The following PACRGL variants were observed in gnomAD, a reference collection of about 807,000 sequenced individuals.
PACRGL encodes the protein parkin coregulated like.
In PACRGL, 38 loss-of-function variants were observed where a neutral mutation model predicts 34.5. The observed-to-expected ratio is 1.10, with a 90% CI of 0.85 to 1.44. The LOEUF (loss-of-function observed/expected upper bound fraction) is 1.44. Ranked by LOEUF, PACRGL falls within the 40% of genes most tolerant of loss-of-function variation. PACRGL has a pLI of 0.00. For synonymous variants in PACRGL, 128 were observed against 100.1 expected (o/e 1.28, Z -1.66); for missense variants, 305 against 281.4 (o/e 1.08, Z -0.60).
At position 20,709,790 on chromosome 4, in the gene PACRGL, T is replaced by C; in HGVS notation, c.366+17T>C. 1 of 1,541,914 alleles carries C rather than the reference T, an allele frequency of 6.5e-7. No homozygotes were observed. Among genetic ancestry groups the C allele is most frequent in the Non-Finnish European group, 8.9e-7 (1 of 1,117,428 alleles). On this transcript the variant is annotated intron_variant, in intron 5 of 8. Transcript: ENST00000503585. ...TTAGCTGAGGTAAATATGCCATCTC[T>C]TGAATATTTATCAGAAAATAAACAT...
intron 7 of PACRGL, among the ~76,000 whole-genome samples, chr4:20,721,446 C>G (rs1743148188): frequency 6.6e-6 from 1 of 152,018 alleles, no homozygotes; most frequent in African/African-American, 2.4e-5. Flanking sequence ...TTTTCCCCAT[C>G]TTTGTGGTTT....
At chr4:20,726,587 T>C (rs1745754788) in intron 8 of PACRGL, among the ~76,000 whole-genome samples, 1 of 152,222 alleles carries the variant, frequency 6.6e-6, no homozygotes, top group Non-Finnish European at 1.5e-5. Flanking sequence ...AAAGCTTATA[T>C]ATCTCTTTCT....
chr4:20,736,645 ATTC>A (rs899095914), downstream of PACRGL, among the ~76,000 whole-genome samples: 204 of 152,308 alleles, frequency 1.3e-3, 1 homozygote, highest in African/African-American at 4.5e-3. Flanking sequence ...GATAATAGAT[ATTC>A]TTAGTTTTTT....
chr4:20,706,842 G>A (rs1734705851), intron 3 of PACRGL, among the ~76,000 whole-genome samples: 1 of 152,124 alleles, frequency 6.6e-6, no homozygotes, highest in African/African-American at 2.4e-5. Flanking sequence ...CCAAAGTGCT[G>A]GGATTACAGG....
chr4:20,753,562 T>C (rs1439294180), downstream of PACRGL, among the ~76,000 whole-genome samples: 4 of 152,294 alleles, frequency 2.6e-5, no homozygotes, highest in African/African-American at 7.2e-5. Context: ...GAAATCAATC[T>C]GGTTTATTTC....
intron 7 of PACRGL, among the ~76,000 whole-genome samples, chr4:20,722,400 CTGTGTTT>C (rs982729694): frequency 7.9e-5 from 12 of 152,212 alleles, no homozygotes; most frequent in Admixed American, 5.9e-4. Context: ...CAGAAATCAC[CTGTGTTT>C]TGCGTCACTC....
rs936220696 is a variant in PACRGL at position 20,728,006 on chromosome 4, T to C, written c.*665T>C. On this transcript the variant is annotated 3_prime_UTR_variant, in exon 9 of 9. Coordinates refer to ENST00000503585, the MANE Select transcript of PACRGL (RefSeq NM_001258345.3). The stretch of plus-strand genomic sequence containing the variant: ...GATCTCACTCTGTTGTCCAGGCTGG[T>C]CTCAGAATTCTGGTGAGTGATCCTC... 1 of 152,322 alleles carries C rather than the reference T, an allele frequency of 6.6e-6. No homozygotes were observed. The highest frequency in any genetic ancestry group is 2.4e-5 in the African/African-American group (1 of 41,440). 9.4% of individuals were successfully genotyped at this position (152,322 alleles called of 1,614,324 possible). A position where few individuals can be genotyped will look rare whatever the true frequency, so the allele number is the denominator to read the frequency against.
At chr4:20,742,942 C>T (rs988551485) in intron 8 of PACRGL, among the ~76,000 whole-genome samples, 7 of 151,920 alleles carry the variant, frequency 4.6e-5, no homozygotes, top group African/African-American at 1.7e-4. Context: ...AGAGCCAAAT[C>T]ATGAGTGAAC....
chr4:20,737,537 A>G (rs1749936958), downstream of PACRGL, among the ~76,000 whole-genome samples: 1 of 152,092 alleles, frequency 6.6e-6, no homozygotes, highest in African/African-American at 2.4e-5. Context: ...ATGAGACAGA[A>G]GAACATGGTG....
chr4:20,764,132 A>T, the PACRGL span, among the ~76,000 whole-genome samples: 1 of 152,154 alleles, frequency 6.6e-6, no homozygotes, highest in Non-Finnish European at 1.5e-5. Context: ...CTATTTTCTA[A>T]TGAAATTTTG....
chr4:20,713,633 A>G (rs1346297071), intron 7 of PACRGL, 94 bp downstream of exon 7: 3 of 1,021,092 alleles, frequency 2.9e-6, no homozygotes, highest in African/African-American at 1.6e-5. Context: ...CTTCAACTCA[A>G]AACCTTAAAA....
rs554612888 is a variant in PACRGL, at chr4:20,730,216, ATCAACCACC to A, written c.*2886_*2894del. 2.4e-4 allele frequency: 356 copies of A among 1,455,182 alleles called. No individual in the cohort carries two copies. In the East Asian group the frequency reaches 5.6e-3, roughly 23 times the overall value. 90.1% of individuals were successfully genotyped at this position (1,455,182 alleles called of 1,614,324 possible). On this transcript the variant is annotated 3_prime_UTR_variant, in exon 9 of 9. Coordinates refer to ENST00000503585, the MANE Select transcript of PACRGL (RefSeq NM_001258345.3). ...TTGCCCCTGAGTATTGCCTCCTCCC[ATCAACCACC>A]TCAACCACCTATGCCAAAAGCTCAA...
chr4:20,740,772 A>G (rs1202518169), intron 8 of PACRGL, among the ~76,000 whole-genome samples: 1 of 152,218 alleles, frequency 6.6e-6, no homozygotes, highest in African/African-American at 2.4e-5. Flanking sequence ...TAAAAGACAC[A>G]AACTGGCAAA....
chr4:20,724,006 A>G (rs1054824198), intron 7 of PACRGL, among the ~76,000 whole-genome samples: 6 of 152,170 alleles, frequency 3.9e-5, no homozygotes, highest in African/African-American at 9.7e-5. Context: ...ATAGACTTCT[A>G]CATTAGAAGT....
intron 8 of PACRGL, among the ~76,000 whole-genome samples, chr4:20,726,525 C>T (rs1002025176): frequency 3.3e-5 from 5 of 152,124 alleles, no homozygotes; most frequent in Non-Finnish European, 7.4e-5. Flanking sequence ...TCTGTTACTT[C>T]GTAATCCTTC....
At chr4:20,716,146 G>C in intron 7 of PACRGL, 2 of 1,461,376 alleles carry the variant, frequency 1.4e-6, no homozygotes, top group South Asian at 1.2e-5. Flanking sequence ...ACCACTCTTA[G>C]GTTTGATGAT....
At chr4:20,709,442 G>A (rs1736084451) in intron 4 of PACRGL, among the ~76,000 whole-genome samples, 1 of 152,180 alleles carries the variant, frequency 6.6e-6, no homozygotes, top group Non-Finnish European at 1.5e-5. Context: ...TTCACAGACA[G>A]CAACATGCTT....
chr4:20,710,413 A>G (rs1443297351), intron 5 of PACRGL, among the ~76,000 whole-genome samples: 1 of 152,208 alleles, frequency 6.6e-6, no homozygotes, highest in Non-Finnish European at 1.5e-5. Flanking sequence ...GAAGTAGAGA[A>G]ATGAATTAAC....
intron 7 of PACRGL, among the ~76,000 whole-genome samples, chr4:20,717,129 T>C (rs1424483700): frequency 2.0e-5 from 3 of 152,060 alleles, no homozygotes; most frequent in Non-Finnish European, 4.4e-5. Flanking sequence ...CATAAATGTC[T>C]TCTTTTGAGA....
Sources: allele counts gnomAD v4.1 joint callset (sites outside exome capture counted in the v4.1 genomes callset), GRCh38; gene constraint gnomAD v4.1.1; transcripts MANE v1.5; gene names NCBI Gene and HGNC (gene_info 2026-07-23, HGNC 2026-07-21).